Variants in ZRANB3 observed in about 807,000 individuals in gnomAD.
ZRANB3 encodes DNA annealing helicase and endonuclease ZRANB3.
In ZRANB3, 125 loss-of-function variants were observed where a neutral mutation model predicts 133.8. The ratio of observed to expected loss-of-function variants is 0.93; its 90% CI spans 0.81 to 1.08. The LOEUF is 1.08. Among genes scored for constraint, ZRANB3 ranks in the 50% least tolerant of loss-of-function variants. The probability of loss-of-function intolerance (pLI) is 0.00; values close to 1 mark genes in which losing one functional copy is unlikely to be tolerated. For missense variants in ZRANB3, 1,229 were observed against 1,275.5 expected (o/e 0.96, Z 0.56); for synonymous variants, 387 against 432.7 (o/e 0.89, Z 1.31).
intron 8 of ZRANB3, among the ~76,000 whole-genome samples, chr2:135,300,056 ACT>A (rs1682355283): frequency 6.6e-6 from 1 of 152,078 alleles, no homozygotes; most frequent in African/African-American, 2.4e-5. Context: ...ATGACTCAAT[ACT>A]CTCTAGGCCC....
chr2:135,517,835 T>C (rs1328500720), intron 1 of ZRANB3, among the ~76,000 whole-genome samples: 1 of 152,122 alleles, frequency 6.6e-6, no homozygotes, highest in African/African-American at 2.4e-5. Context: ...GGCAGGAACA[T>C]TTAAGTCTGC....
At chr2:135,201,633 C>T (rs905519355) in intron 20 of ZRANB3, among the ~76,000 whole-genome samples, 9 of 150,364 alleles carry the variant, frequency 6.0e-5, no homozygotes, top group Non-Finnish European at 1.2e-4. Context: ...CCATCACACT[C>T]CAGCCTGGGT....
intron 2 of ZRANB3, among the ~76,000 whole-genome samples, chr2:135,439,870 T>C (rs1689704810): frequency 6.6e-6 from 1 of 152,220 alleles, no homozygotes; most frequent in Admixed American, 6.5e-5. Context: ...AGATTTTTAG[T>C]AGCAGTGACC....
intron 5 of ZRANB3, among the ~76,000 whole-genome samples, chr2:135,349,375 A>T (rs893659962): frequency 2.0e-5 from 3 of 152,228 alleles, no homozygotes; most frequent in African/African-American, 7.2e-5. Flanking sequence ...AAACAACACT[A>T]AACCTTACAG....
Position 135,471,595 on chromosome 2 carries a change from T to C in ZRANB3, c.161+32734A>G, listed in dbSNP as rs146879964. ...CATATTTTATCAAATATTAGTCATT[T>C]TGTATGTAAAGAAAGGTAATTAGGC... is the stretch of plus-strand genomic sequence containing the variant. On this transcript the variant is annotated intron_variant, in intron 2 of 20. Transcript: ENST00000264159. Among the ~76,000 whole-genome samples, 37 of 152,342 alleles carry C rather than the reference T, an allele frequency of 2.4e-4. 3 individuals carry two copies. Among genetic ancestry groups the C allele is most frequent in the African/African-American group, 8.4e-4 (35 of 41,576 alleles).
chr2:135,364,560 C>T (rs1433153408), intron 3 of ZRANB3, among the ~76,000 whole-genome samples: 3 of 152,022 alleles, frequency 2.0e-5, no homozygotes, highest in African/African-American at 7.2e-5. Flanking sequence ...CCAGCCTGGC[C>T]AACATGGTGA....
At chr2:135,244,958 C>T (rs1291021688) in intron 12 of ZRANB3, among the ~76,000 whole-genome samples, 1 of 152,046 alleles carries the variant, frequency 6.6e-6, no homozygotes, top group Non-Finnish European at 1.5e-5. Context: ...ACAGAACATT[C>T]CACTTGGGTA....
In ZRANB3 at chr2:135,420,775, T is replaced by C. The variant is rs546556577; in HGVS notation, c.162-29955A>G. ...AGTTTTCTTGTTTTCTTTATATCAA[T>C]ATAATTTATTCAAAAGAGATATAAG... On this transcript the variant is annotated intron_variant, in intron 2 of 20. Transcript: ENST00000264159. Among the ~76,000 whole-genome samples the C allele has an allele frequency of 2.4e-4, 36 of 152,270 alleles. No homozygotes were observed. In the South Asian group the frequency reaches 6.4e-3, roughly 27 times the overall value.
chr2:135,457,282 C>T (rs935915162), intron 2 of ZRANB3, among the ~76,000 whole-genome samples: 1 of 152,136 alleles, frequency 6.6e-6, no homozygotes. Context: ...ATGTTTTTGT[C>T]ACCATATATT....
At chr2:135,422,344 C>A (rs1430350754) in intron 2 of ZRANB3, among the ~76,000 whole-genome samples, 1 of 152,148 alleles carries the variant, frequency 6.6e-6, no homozygotes, top group Non-Finnish European at 1.5e-5. Context: ...ATATATCTTG[C>A]CAAATCAAAT....
intron 2 of ZRANB3, among the ~76,000 whole-genome samples, chr2:135,410,753 C>G (rs1487254304): frequency 6.8e-6 from 1 of 147,706 alleles, no homozygotes; most frequent in African/African-American, 2.6e-5. Context: ...CTATAAGGAA[C>G]TGGAACGAAT....
At chr2:135,386,827 C>T (rs978680897) in intron 3 of ZRANB3, among the ~76,000 whole-genome samples, 4 of 151,934 alleles carry the variant, frequency 2.6e-5, no homozygotes, top group African/African-American at 4.8e-5. Context: ...GAACATCACA[C>T]ACGGGGGCCT....
At chr2:135,372,933 T>C (rs1459732246) in intron 3 of ZRANB3, among the ~76,000 whole-genome samples, 2 of 151,606 alleles carry the variant, frequency 1.3e-5, no homozygotes, top group African/African-American at 2.4e-5. Context: ...AATTAAAAAA[T>C]TAGCCTGATG....
rs185970057 is a variant in ZRANB3, at chr2:135,296,500, T to C, written c.966+16989A>G. Among the ~76,000 whole-genome samples, 220 of 152,288 alleles carry C rather than the reference T, an allele frequency of 1.4e-3. 1 individual carries two copies. Among genetic ancestry groups the C allele is most frequent in the African/African-American group, 5.1e-3 (213 of 41,554 alleles). On this transcript the variant is annotated intron_variant, in intron 8 of 20. Coordinates refer to ENST00000264159, the MANE Select transcript of ZRANB3 (RefSeq NM_032143.4). ...TCGTCTAATTTTTTTTTTCAAGGTT[T>C]TTAACTTCTTTGCCATTGGCTCGAA...
intron 6 of ZRANB3, among the ~76,000 whole-genome samples, chr2:135,334,999 GC>G (rs1277512935): frequency 6.6e-6 from 1 of 152,112 alleles, no homozygotes; most frequent in Non-Finnish European, 1.5e-5. Flanking sequence ...GTAAATGAGT[GC>G]CATGTGGTTT....
At chr2:135,400,132 C>T (rs1053120514) in intron 2 of ZRANB3, among the ~76,000 whole-genome samples, 9 of 151,868 alleles carry the variant, frequency 5.9e-5, no homozygotes, top group African/African-American at 1.2e-4. Context: ...CCCAGCTACT[C>T]GGGAGGCTGA....
At chr2:135,415,474 C>G (rs1270512575) in intron 2 of ZRANB3, among the ~76,000 whole-genome samples, 1 of 152,044 alleles carries the variant, frequency 6.6e-6, no homozygotes, top group East Asian at 1.9e-4. Context: ...AATAGCTTAC[C>G]AACCAAAAAG....
chr2:135,240,835 C>T (rs74567084), intron 12 of ZRANB3, among the ~76,000 whole-genome samples: 6,053 of 152,066 alleles, frequency 0.04, 134 homozygotes, highest in African/African-American at 0.048. Context: ...CTGTCTTGGC[C>T]CCCCAAAGTG....
intron 2 of ZRANB3, among the ~76,000 whole-genome samples, chr2:135,456,207 ATAG>A (rs1468308843): frequency 2.6e-5 from 4 of 152,208 alleles, no homozygotes; most frequent in African/African-American, 9.6e-5. Context: ...TCCTAATCAC[ATAG>A]TAGTAGGAGA....
Sources: gnomAD v4.1 joint callset for allele counts (sites outside exome capture counted in the v4.1 genomes callset) on GRCh38, gnomAD v4.1.1 for gene constraint, MANE v1.5 for transcripts, NCBI Gene and HGNC (gene_info 2026-07-23, HGNC 2026-07-21) for gene names.